CTNNA2: variants seen among roughly 807,000 people sequenced by gnomAD.
The protein encoded by CTNNA2 is catenin alpha 2.
A neutral mutation model predicts 101.0 loss-of-function variants in CTNNA2; 42 were observed. The observed-to-expected ratio is 0.42, with a 90% CI of 0.32 to 0.54. The LOEUF (loss-of-function observed/expected upper bound fraction) is 0.54. Ranked by LOEUF, CTNNA2 falls within the 20% of genes least tolerant of loss-of-function variation. The probability of loss-of-function intolerance (pLI) is 0.14; values close to 1 mark genes in which losing one functional copy is unlikely to be tolerated. For synonymous variants in CTNNA2, 450 were observed against 456.4 expected, an observed-to-expected ratio of 0.99 and a Z score of 0.18; for missense variants, 871 against 1,223.1, an observed-to-expected ratio of 0.71 and a Z score of 4.29.
chr2:80,161,161 G>A (rs373845882), intron 7 of CTNNA2, among the ~76,000 whole-genome samples: 7 of 152,044 alleles, frequency 4.6e-5, no homozygotes, highest in East Asian at 1.9e-4. Flanking sequence ...AATTACAGGC[G>A]CATGCCACCA....
intron 4 of CTNNA2, among the ~76,000 whole-genome samples, chr2:79,380,549 C>T (rs1163285886): frequency 6.6e-6 from 1 of 152,046 alleles, no homozygotes; most frequent in East Asian, 1.9e-4. Context: ...TCTAAGCAGT[C>T]CAAATGCATA....
intron 1 of CTNNA2, among the ~76,000 whole-genome samples, chr2:79,550,973 G>A (rs1021731468): frequency 3.9e-5 from 6 of 152,116 alleles, no homozygotes; most frequent in Non-Finnish European, 7.3e-5. Context: ...AGGAATAATG[G>A]AATCTGTGAT....
At chr2:80,112,376 A>T (rs1701269930) in intron 7 of CTNNA2, among the ~76,000 whole-genome samples, 1 of 152,208 alleles carries the variant, frequency 6.6e-6, no homozygotes, top group Non-Finnish European at 1.5e-5. Context: ...AAAAATATTT[A>T]CTATTTATAT....
intron 4 of CTNNA2, among the ~76,000 whole-genome samples, chr2:79,478,145 TCCTC>T (rs1261199131): frequency 6.6e-6 from 1 of 152,132 alleles, no homozygotes; most frequent in East Asian, 1.9e-4. Context: ...TCCCAATTCT[TCCTC>T]CCCCACTAAA....
At chr2:79,373,191 C>A (rs1677910848) in intron 3 of CTNNA2, among the ~76,000 whole-genome samples, 1 of 152,074 alleles carries the variant, frequency 6.6e-6, no homozygotes. Context: ...TAAATGTAGA[C>A]GTGTGACTCT....
intron 6 of CTNNA2, among the ~76,000 whole-genome samples, chr2:79,895,761 A>G (rs1452104952): frequency 6.9e-6 from 1 of 144,280 alleles, no homozygotes; most frequent in Non-Finnish European, 1.5e-5. Context: ...AGGATTTTGG[A>G]CAGAAATGTA....
At chr2:80,591,177 A>G (rs1696453416) in intron 15 of CTNNA2, among the ~76,000 whole-genome samples, 2 of 152,186 alleles carry the variant, frequency 1.3e-5, no homozygotes, top group Non-Finnish European at 2.9e-5. Context: ...GGTGTTAAAT[A>G]AGACACATGT....
At chr2:80,548,611 C>G (rs1373093058) in intron 11 of CTNNA2, among the ~76,000 whole-genome samples, 4 of 152,194 alleles carry the variant, frequency 2.6e-5, no homozygotes, top group African/African-American at 7.2e-5. Flanking sequence ...CCACGGCATG[C>G]CATGGCAGGA....
intron 7 of CTNNA2, among the ~76,000 whole-genome samples, chr2:80,240,326 C>G (rs1241288554): frequency 6.6e-6 from 1 of 152,208 alleles, no homozygotes; most frequent in Non-Finnish European, 1.5e-5. Flanking sequence ...AACTTGAACT[C>G]AACCCAGATT....
intron 2 of CTNNA2, among the ~76,000 whole-genome samples, chr2:79,198,328 A>T (rs1411768352): frequency 6.6e-6 from 1 of 152,220 alleles, no homozygotes; most frequent in African/African-American, 2.4e-5. Context: ...GAAAATAAGC[A>T]TGGATTGGTT....
chr2:80,378,394 A>G (rs1676180343), intron 7 of CTNNA2, among the ~76,000 whole-genome samples: 1 of 150,278 alleles, frequency 6.7e-6, no homozygotes, highest in Admixed American at 6.7e-5. Context: ...AAATAAATAA[A>G]TAAATAAATA....
At chr2:79,809,347 TC>T (rs1336634381) in intron 3 of CTNNA2, among the ~76,000 whole-genome samples, 1 of 152,204 alleles carries the variant, frequency 6.6e-6, no homozygotes, top group Non-Finnish European at 1.5e-5. Context: ...TGGTTCTAGA[TC>T]CTTGAGGAAT....
chr2:80,096,756 T>A (rs994185812), intron 7 of CTNNA2, among the ~76,000 whole-genome samples: 65 of 152,348 alleles, frequency 4.3e-4, no homozygotes, highest in African/African-American at 1.2e-3. Flanking sequence ...TTTACCATTA[T>A]GTAATGGCCT....
chr2:79,352,782 G>A (rs1677420111), intron 3 of CTNNA2, among the ~76,000 whole-genome samples: 1 of 152,100 alleles, frequency 6.6e-6, no homozygotes, highest in African/African-American at 2.4e-5. Context: ...TTCTCACACA[G>A]CTATAAAGAC....
intron 9 of CTNNA2, among the ~76,000 whole-genome samples, chr2:80,485,407 C>T (rs543498982): frequency 6.6e-6 from 1 of 152,242 alleles, no homozygotes; most frequent in African/African-American, 2.4e-5. Flanking sequence ...ATTTGCATTC[C>T]TAACAATTTG....
intron 1 of CTNNA2, among the ~76,000 whole-genome samples, chr2:79,594,763 A>G (rs933662125): frequency 2.6e-5 from 4 of 152,004 alleles, no homozygotes; most frequent in Non-Finnish European, 4.4e-5. Context: ...TCTTTAATCT[A>G]TTCCTTGAAG....
At chr2:79,842,355 G>A (rs1030476011) in intron 3 of CTNNA2, among the ~76,000 whole-genome samples, 3 of 152,094 alleles carry the variant, frequency 2.0e-5, no homozygotes, top group Non-Finnish European at 4.4e-5. Context: ...TACGAAATGG[G>A]AACAGTACCC....
intron 4 of CTNNA2, among the ~76,000 whole-genome samples, chr2:79,469,600 C>T (rs985836371): frequency 3.3e-5 from 5 of 152,166 alleles, no homozygotes; most frequent in African/African-American, 9.7e-5. Context: ...AGACCAATAT[C>T]CCTGATGAAC....
At chr2:79,253,242 A>C (rs1541951) in intron 2 of CTNNA2, among the ~76,000 whole-genome samples, 124,206 of 152,176 alleles carry the variant, frequency 0.82, 51,214 homozygotes, top group East Asian at 0.99. Context: ...CTGGGCTTGG[A>C]CTGGTCAAAG....
Sources: allele counts gnomAD v4.1 joint callset (sites outside exome capture counted in the v4.1 genomes callset), GRCh38; gene constraint gnomAD v4.1.1; transcripts MANE v1.5; gene names NCBI Gene and HGNC (gene_info 2026-07-23, HGNC 2026-07-21).